Variants in FAM110B observed in about 807,000 individuals in gnomAD.
FAM110B encodes the protein protein FAM110B.
Under a neutral mutation model 20.4 loss-of-function variants are expected in FAM110B, and 6 were observed. The observed-to-expected ratio is 0.29, with a 90% CI of 0.16 to 0.58. The LOEUF (loss-of-function observed/expected upper bound fraction) is 0.58, where lower values mean the gene tolerates loss of function less well. Among genes scored for constraint, FAM110B ranks in the 20% least tolerant of loss-of-function variants. The probability of loss-of-function intolerance (pLI) is 0.90; values close to 1 mark genes in which losing one functional copy is unlikely to be tolerated. For missense variants in FAM110B, 434 were observed against 498.2 expected, an observed-to-expected ratio of 0.87 and a Z score of 1.23; for synonymous variants, 226 against 214.1, an observed-to-expected ratio of 1.06 and a Z score of -0.49.
chr8:58,021,947 A>G (rs764399898), intron 1 of FAM110B, among the ~76,000 whole-genome samples: 2 of 152,134 alleles, frequency 1.3e-5, no homozygotes, highest in African/African-American at 4.8e-5. Context: ...CACATACTCT[A>G]TGGCCTGGCT....
chr8:58,065,681 T>G (rs1409382380), intron 2 of FAM110B, among the ~76,000 whole-genome samples: 2 of 152,160 alleles, frequency 1.3e-5, no homozygotes, highest in Non-Finnish European at 2.9e-5. Flanking sequence ...AATTTTTGTG[T>G]GTAGGAATGA....
At chr8:58,052,760 G>A (rs1200056160) in intron 2 of FAM110B, among the ~76,000 whole-genome samples, 1 of 143,342 alleles carries the variant, frequency 7.0e-6, no homozygotes. Context: ...AGTGTGGTGA[G>A]AGTGATGGAC....
In FAM110B at chr8:58,008,329, C is replaced by T. The variant is rs565051451; in HGVS notation, c.-512+13523C>T. 4.6e-5 allele frequency among the ~76,000 whole-genome samples: 7 copies of T among 152,118 alleles called. No individual in the cohort carries two copies. In the South Asian group the frequency reaches 8.3e-4, roughly 18 times the overall value. On this transcript the variant is annotated intron_variant, in intron 1 of 3. Transcript: ENST00000519262. The stretch of plus-strand genomic sequence containing the variant: ...TGTATTTTTAGTAGAGGCAGGGTTT[C>T]ACCATGTTGGCCAGGCTGGTCTCAA...
At position 58,147,161 on chromosome 8, in the gene FAM110B, G is replaced by A. The variant is rs982486133; in HGVS notation, c.931G>A (p.Ala311Thr). The change falls in exon 4 of 4, where the codon GCA becomes ACA. Residue 311 changes from alanine to threonine, a missense_variant. Ala to Thr is a moderately conservative substitution (Grantham distance 58, BLOSUM62 0). Coordinates refer to ENST00000519262, the MANE Select transcript of FAM110B (RefSeq NM_001377989.1). Reference sequence around the variant, plus strand: ...CATAATATCCCTCAACTTCCGCAGCGCAAGCATGATCAGCTCAGACTGTGA... The same window carrying A: ...CATAATATCCCTCAACTTCCGCAGCACAAGCATGATCAGCTCAGACTGTGA... ...SDIISLNFRS[A>T]SMISSDCEQS... 2.5e-6 allele frequency: 4 copies of A among 1,614,106 alleles called. No homozygotes were observed. The South Asian group carries it at 3.3e-5, about 13-fold the overall frequency.
chr8:58,017,065 A>T (rs1454231072), intron 1 of FAM110B, among the ~76,000 whole-genome samples: 1 of 152,144 alleles, frequency 6.6e-6, no homozygotes, highest in Non-Finnish European at 1.5e-5. Context: ...GAAATGTTTG[A>T]GTTAGGGAGA....
In FAM110B at chr8:58,147,003, G is replaced by C. The variant is rs1365355404; in HGVS notation, c.773G>C (p.Arg258Pro). ...CGVSRRPSLQRSKSDLSDRYF... is the reference protein window; with the variant it reads ...CGVSRRPSLQPSKSDLSDRYF... Reference sequence around the variant, plus strand: ...GTCAGCCGAAGACCCTCCCTCCAGCGGTCTAAGTCAGACTTGAGTGACAGA... The same window carrying C: ...GTCAGCCGAAGACCCTCCCTCCAGCCGTCTAAGTCAGACTTGAGTGACAGA... Residue 258 changes from arginine to proline, a missense_variant, in exon 4 of 4, where the codon CGG becomes CCG. Arg to Pro is a moderately radical substitution (Grantham distance 103, BLOSUM62 -2). Coordinates refer to ENST00000519262, the MANE Select transcript of FAM110B (RefSeq NM_001377989.1). 1.2e-6 allele frequency: 2 copies of C among 1,614,216 alleles called. No homozygotes were observed. Among genetic ancestry groups the C allele is most frequent in the Non-Finnish European group, 8.5e-7 (1 of 1,180,034 alleles).
intron 3 of FAM110B, among the ~76,000 whole-genome samples, chr8:58,139,671 A>G (rs528367675): frequency 2.6e-5 from 4 of 152,324 alleles, no homozygotes; most frequent in African/African-American, 9.6e-5. Flanking sequence ...ATGAATTAAA[A>G]TGAATAAATA....
chr8:58,124,729 T>C (rs1472041636), intron 3 of FAM110B, among the ~76,000 whole-genome samples: 2 of 152,128 alleles, frequency 1.3e-5, no homozygotes, highest in African/African-American at 4.8e-5. Context: ...TTTTCAAAAC[T>C]TTTCCCATCA....
At chr8:58,061,731 A>G (rs539516523) in intron 2 of FAM110B, among the ~76,000 whole-genome samples, 1 of 152,344 alleles carries the variant, frequency 6.6e-6, no homozygotes, top group South Asian at 2.1e-4. Context: ...AGTGAAACTT[A>G]TCTTTCCCAT....
chr8:58,105,291 C>A (rs917894185), intron 3 of FAM110B, among the ~76,000 whole-genome samples: 3 of 152,202 alleles, frequency 2.0e-5, no homozygotes, highest in Non-Finnish European at 2.9e-5. Flanking sequence ...CTCCTGGAAA[C>A]CTCAGGCTCC....
intron 2 of FAM110B, among the ~76,000 whole-genome samples, chr8:58,069,040 T>C (rs928724544): frequency 6.6e-6 from 1 of 152,240 alleles, no homozygotes; most frequent in African/African-American, 2.4e-5. Flanking sequence ...GTGACTATTA[T>C]GTATCTAAAA....
rs1346621848 is a variant in FAM110B, at chr8:57,994,581, C to G, written c.-737C>G. 6.6e-6 allele frequency: 1 copy of G among 152,298 alleles called. No homozygotes were observed. The highest frequency in any genetic ancestry group is 1.5e-5 in the Non-Finnish European group (1 of 68,164). The allele number at this position is 152,298 out of a possible 1,614,324, so 9.4% of individuals were successfully genotyped here. On this transcript the variant is annotated 5_prime_UTR_variant, in exon 1 of 4. Coordinates refer to ENST00000519262, the MANE Select transcript of FAM110B (RefSeq NM_001377989.1). The stretch of plus-strand genomic sequence containing the variant: ...TCGGTGCAGACCGAACCATCGCGGC[C>G]GCCGCCAGCCGGGCCCTTCGCGGCC...
At chr8:58,006,111 A>G (rs565650859) in intron 1 of FAM110B, among the ~76,000 whole-genome samples, 1 of 152,282 alleles carries the variant, frequency 6.6e-6, no homozygotes, top group South Asian at 2.1e-4. Context: ...ATTTCCTGGC[A>G]CTATTTTGTA....
At chr8:58,002,016 TAGAGAGAGAGAGAGAGAA>T (rs1387465640) in intron 1 of FAM110B, among the ~76,000 whole-genome samples, 1 of 149,690 alleles carries the variant, frequency 6.7e-6, no homozygotes, top group Non-Finnish European at 1.5e-5. Flanking sequence ...GCTAAGCAGC[TAGAGAGAGAGAGAGAGAA>T]AGAGAGAGAC....
At chr8:58,117,402 C>T (rs1463822129) in intron 3 of FAM110B, among the ~76,000 whole-genome samples, 1 of 152,144 alleles carries the variant, frequency 6.6e-6, no homozygotes, top group East Asian at 1.9e-4. Flanking sequence ...CACAGAGCAA[C>T]AGAACTACTG....
Position 58,147,949 on chromosome 8 carries a change from G to A in FAM110B, c.*606G>A, listed in dbSNP as rs370583114. ...TGCTACGTTTTGTGTCCGATTCAGT[G>A]TGTAAACGTTGGTGGTTCTATGTAA... is the stretch of plus-strand genomic sequence containing the variant. On this transcript the variant is annotated 3_prime_UTR_variant, in exon 4 of 4. Coordinates refer to ENST00000519262, the MANE Select transcript of FAM110B (RefSeq NM_001377989.1). 1 of 168,644 alleles carries A rather than the reference G, an allele frequency of 5.9e-6. No homozygotes were observed. Among genetic ancestry groups the A allele is most frequent in the Non-Finnish European group, 1.4e-5 (1 of 69,310 alleles). 10.4% of individuals were successfully genotyped at this position (168,644 alleles called of 1,614,324 possible).
chr8:58,006,241 A>T (rs1047789370), intron 1 of FAM110B, among the ~76,000 whole-genome samples: 1 of 152,232 alleles, frequency 6.6e-6, no homozygotes, highest in African/African-American at 2.4e-5. Context: ...GAGCAGTTGC[A>T]TATAACTAAA....
intron 2 of FAM110B, among the ~76,000 whole-genome samples, chr8:58,045,266 A>G (rs1805296937): frequency 6.6e-6 from 1 of 152,168 alleles, no homozygotes; most frequent in Non-Finnish European, 1.5e-5. Flanking sequence ...GGTGTCAGCA[A>G]AGTGACATAT....
rs571260251 is a variant in FAM110B at position 58,097,581 on chromosome 8, T to G, written c.-325+21958T>G. ...AACTCATCCTCCGTCCAGTTTTGTT[T>G]CCTTGCTGGCTAGGAGTTGTGATCC... On this transcript the variant is annotated intron_variant, in intron 3 of 3. Transcript: ENST00000519262. Among the ~76,000 whole-genome samples, 38 of 152,354 alleles carry G rather than the reference T, an allele frequency of 2.5e-4. No individual in the cohort carries two copies. The South Asian group carries it at 7.7e-3, about 31-fold the overall frequency.
Sources: gnomAD v4.1 joint callset for allele counts (sites outside exome capture counted in the v4.1 genomes callset) on GRCh38, gnomAD v4.1.1 for gene constraint, MANE v1.5 for transcripts, NCBI Gene and HGNC (gene_info 2026-07-23, HGNC 2026-07-21) for gene names.